Variants in MPPED2 observed in about 807,000 individuals in gnomAD.
MPPED2 encodes metallophosphoesterase MPPED2.
In MPPED2, 5 loss-of-function variants were observed where a neutral mutation model predicts 33.0. The ratio of observed to expected loss-of-function variants is 0.15; its 90% CI spans 0.08 to 0.32. The LOEUF is 0.32. Ranked by LOEUF, MPPED2 falls within the 10% of genes least tolerant of loss-of-function variation. MPPED2 has a pLI of 1.00. For missense variants in MPPED2, 275 were observed against 372.1 expected, an observed-to-expected ratio of 0.74 and a Z score of 2.15; for synonymous variants, 136 against 141.9, an observed-to-expected ratio of 0.96 and a Z score of 0.29.
intron 4 of MPPED2, among the ~76,000 whole-genome samples, chr11:30,453,330 A>T (rs1392006904): frequency 1.3e-5 from 2 of 152,200 alleles, no homozygotes; most frequent in Non-Finnish European, 2.9e-5. Flanking sequence ...TTGCCTCTAG[A>T]TCATCTATTG....
intron 6 of MPPED2, among the ~76,000 whole-genome samples, chr11:30,400,400 T>C (rs1298838455): frequency 6.6e-6 from 1 of 152,194 alleles, no homozygotes; most frequent in African/African-American, 2.4e-5. Context: ...TTAAGTGCCT[T>C]AATGGAATGA....
intron 2 of MPPED2, among the ~76,000 whole-genome samples, chr11:30,550,887 C>T (rs1955678629): frequency 6.6e-6 from 1 of 152,154 alleles, no homozygotes; most frequent in Non-Finnish European, 1.5e-5. Context: ...GCAAACTGGA[C>T]TTGTGTTTAA....
chr11:30,400,133 T>G (rs1213031907), intron 6 of MPPED2, among the ~76,000 whole-genome samples: 1 of 152,110 alleles, frequency 6.6e-6, no homozygotes, highest in Non-Finnish European at 1.5e-5. Flanking sequence ...CAGGCTAGAG[T>G]AGAGTGGCAC....
intron 4 of MPPED2, among the ~76,000 whole-genome samples, chr11:30,475,444 G>C (rs928816807): frequency 5.9e-5 from 9 of 152,018 alleles, no homozygotes; most frequent in African/African-American, 2.4e-5. Flanking sequence ...ACCCTTTGCA[G>C]TCTGTGTCTT....
intron 2 of MPPED2, among the ~76,000 whole-genome samples, chr11:30,550,443 T>C (rs1467181685): frequency 2.0e-5 from 3 of 152,218 alleles, no homozygotes; most frequent in African/African-American, 7.2e-5. Context: ...ACTCCCATTA[T>C]GGCCTTGCAG....
At chr11:30,479,219 A>G (rs1221371047) in intron 4 of MPPED2, among the ~76,000 whole-genome samples, 2 of 152,120 alleles carry the variant, frequency 1.3e-5, no homozygotes, top group Non-Finnish European at 2.9e-5. Flanking sequence ...CTCTAATTTT[A>G]TGACTCTAAA....
intron 3 of MPPED2, among the ~76,000 whole-genome samples, chr11:30,510,968 C>A (rs747520109): frequency 1.3e-5 from 2 of 152,160 alleles, no homozygotes; most frequent in Admixed American, 6.5e-5. Context: ...CACTTTCAAC[C>A]CCACATTCTC....
At chr11:30,450,619 G>A (rs1450889307) in intron 4 of MPPED2, among the ~76,000 whole-genome samples, 2 of 152,168 alleles carry the variant, frequency 1.3e-5, no homozygotes, top group African/African-American at 4.8e-5. Context: ...GCCACTCCTA[G>A]GTGCTTCTAA....
chr11:30,492,067 G>A (rs1200619868), intron 4 of MPPED2, among the ~76,000 whole-genome samples: 1 of 152,164 alleles, frequency 6.6e-6, no homozygotes, highest in Non-Finnish European at 1.5e-5. Flanking sequence ...TTATTTTCTT[G>A]ACTTTGCTAC....
At chr11:30,474,768 G>A (rs902194300) in intron 4 of MPPED2, among the ~76,000 whole-genome samples, 4 of 151,988 alleles carry the variant, frequency 2.6e-5, no homozygotes, top group South Asian at 2.1e-4. Context: ...AGCTATTCTC[G>A]GTGTTGGTCA....
At chr11:30,442,429 C>T (rs752035235) in intron 4 of MPPED2, among the ~76,000 whole-genome samples, 21 of 152,176 alleles carry the variant, frequency 1.4e-4, no homozygotes, top group Non-Finnish European at 2.4e-4. Context: ...GCAGGGAAAA[C>T]GGGAGAGACA....
At chr11:30,388,767 A>C in exon 7 of MPPED2, 1 of 1,274,592 alleles carries the variant, frequency 7.8e-7, no homozygotes, top group African/African-American at 1.5e-5. Context: ...TTCACCAAGG[A>C]GAGGCATCTT....
intron 4 of MPPED2, among the ~76,000 whole-genome samples, chr11:30,486,299 T>G (rs1474364638): frequency 6.6e-6 from 1 of 152,168 alleles, no homozygotes; most frequent in East Asian, 1.9e-4. Flanking sequence ...CACTCTTCAC[T>G]TACAGTTCAG....
chr11:30,496,497 GA>G (rs1409426254), intron 3 of MPPED2, among the ~76,000 whole-genome samples: 1 of 151,840 alleles, frequency 6.6e-6, no homozygotes, highest in Non-Finnish European at 1.5e-5. Flanking sequence ...TATTTTGGAG[GA>G]AAAAAAGAGT....
Position 30,441,210 on chromosome 11 carries a change from A to T in MPPED2, c.537-23577T>A, listed in dbSNP as rs549698468. 5.9e-5 allele frequency: 9 copies of T among 152,366 alleles called. No individual in the cohort carries two copies. In the East Asian group the frequency reaches 1.7e-3, roughly 29 times the overall value. 9.4% of individuals were successfully genotyped at this position (152,366 alleles called of 1,614,324 possible). ...ACGGCATATTTTTTAATTAATTAAAAGAAATTAAAACCAAGGAAATGCCCT... is the reference window on the plus strand; with the variant it reads ...ACGGCATATTTTTTAATTAATTAAATGAAATTAAAACCAAGGAAATGCCCT... On this transcript the variant is annotated intron_variant, in intron 4 of 6. Transcript: ENST00000358117.
intron 4 of MPPED2, among the ~76,000 whole-genome samples, chr11:30,449,664 G>A (rs1389745619): frequency 6.6e-6 from 1 of 152,124 alleles, no homozygotes; most frequent in African/African-American, 2.4e-5. Context: ...AGAATCAGCA[G>A]ATACAGGAAA....
At chr11:30,490,920 G>A (rs1490906638) in intron 4 of MPPED2, among the ~76,000 whole-genome samples, 4 of 152,086 alleles carry the variant, frequency 2.6e-5, no homozygotes, top group Non-Finnish European at 5.9e-5. Flanking sequence ...GATTACTTTT[G>A]AGAAACCTGT....
chr11:30,439,367 A>T (rs1949465805), intron 4 of MPPED2, among the ~76,000 whole-genome samples: 1 of 152,190 alleles, frequency 6.6e-6, no homozygotes, highest in Non-Finnish European at 1.5e-5. Context: ...AAGTGGATGT[A>T]CACAGGGTTA....
At chr11:30,490,202 C>T (rs2134176790) in intron 4 of MPPED2, among the ~76,000 whole-genome samples, 1 of 152,222 alleles carries the variant, frequency 6.6e-6, no homozygotes, top group South Asian at 2.1e-4. Context: ...CAAAATTGGG[C>T]ACCACTGGTG....
Sources: gnomAD v4.1 joint callset for allele counts (sites outside exome capture counted in the v4.1 genomes callset) on GRCh38, gnomAD v4.1.1 for gene constraint, MANE v1.5 for transcripts, NCBI Gene and HGNC (gene_info 2026-07-23, HGNC 2026-07-21) for gene names.